Variants in SIRT1 observed in about 807,000 individuals in gnomAD.
The protein encoded by SIRT1 is NAD-dependent protein deacetylase sirtuin-1.
Under a neutral mutation model 67.9 loss-of-function variants are expected in SIRT1, and 24 were observed. The ratio of observed to expected loss-of-function variants is 0.35; its 90% CI spans 0.26 to 0.50. SIRT1 has a LOEUF of 0.50. SIRT1 is among the 20% of genes least tolerant of loss of function. The pLI, the probability that SIRT1 is intolerant of heterozygous loss-of-function variation, is 0.98. For synonymous variants in SIRT1, 378 were observed against 350.7 expected (o/e 1.08, Z -0.87); for missense variants, 873 against 937.2 (o/e 0.93, Z 0.89).
intron 4 of SIRT1, among the ~76,000 whole-genome samples, chr10:67,898,609 A>G (rs1034008616): frequency 2.0e-5 from 3 of 152,222 alleles, no homozygotes; most frequent in Non-Finnish European, 4.4e-5. Context: ...AATACTCAAC[A>G]TGTATATGGA....
intron 4 of SIRT1, among the ~76,000 whole-genome samples, chr10:67,901,050 T>C (rs958993484): frequency 5.9e-5 from 9 of 152,186 alleles, no homozygotes; most frequent in Non-Finnish European, 1.2e-4. Context: ...GTTCGTAATA[T>C]GTAATAGAAA....
At chr10:67,902,233 C>T (rs1842755773) in intron 4 of SIRT1, among the ~76,000 whole-genome samples, 1 of 152,220 alleles carries the variant, frequency 6.6e-6, no homozygotes, top group African/African-American at 2.4e-5. Context: ...AGGTGATCCG[C>T]CTGCCTCAGC....
At chr10:67,901,785 A>T (rs1361456403) in intron 4 of SIRT1, among the ~76,000 whole-genome samples, 1 of 151,904 alleles carries the variant, frequency 6.6e-6, no homozygotes, top group African/African-American at 2.4e-5. Context: ...GTTTTTGTAT[A>T]GGCTGTGAGC....
At chr10:67,904,034 C>A (rs1174359990) in intron 4 of SIRT1, among the ~76,000 whole-genome samples, 3 of 151,762 alleles carry the variant, frequency 2.0e-5, no homozygotes, top group African/African-American at 7.3e-5. Flanking sequence ...TGGTTTTCAA[C>A]AAGTGGTCCT....
chr10:67,891,248 GAAAT>G (rs1725003988), intron 3 of SIRT1, among the ~76,000 whole-genome samples, 150 bp from the exon 4 acceptor site: 1 of 152,060 alleles, frequency 6.6e-6, no homozygotes, highest in South Asian at 2.1e-4. Flanking sequence ...TTTTATTTCT[GAAAT>G]AAGGGTAGGG....
rs1434210431 is a variant in SIRT1 at position 67,885,436 on chromosome 10, C to G, written c.430+285C>G. 6 of 1,199,732 alleles carry G rather than the reference C, an allele frequency of 5.0e-6. No individual in the cohort carries two copies. In the African/African-American group the frequency reaches 7.8e-5, roughly 16 times the overall value. The allele number at this position is 1,199,732 out of a possible 1,614,324, so 74.3% of individuals were successfully genotyped here. The stretch of plus-strand genomic sequence containing the variant: ...CTCGCAGTCGCTTTAAAATAAGTTT[C>G]TCTCCCCCTCTTACTCTTTTAGCAT... On this transcript the variant is annotated intron_variant, in intron 1 of 8. Coordinates refer to ENST00000212015, the MANE Select transcript of SIRT1 (RefSeq NM_012238.5).
intron 1 of SIRT1, chr10:67,885,500 T>A (rs1425361814): frequency 1.1e-6 from 1 of 881,068 alleles, no homozygotes; most frequent in Non-Finnish European, 1.4e-6. Context: ...TTTTCTTTAT[T>A]TTTTATTTTC....
chr10:67,893,838 C>T (rs1842612053), intron 4 of SIRT1, among the ~76,000 whole-genome samples: 2 of 152,216 alleles, frequency 1.3e-5, no homozygotes, highest in Admixed American at 6.5e-5. Context: ...GCACCGCGCC[C>T]CGCGCCCTGC....
At chr10:67,910,095 G>A (rs2131885618) in intron 7 of SIRT1, among the ~76,000 whole-genome samples, 1 of 152,056 alleles carries the variant, frequency 6.6e-6, no homozygotes, top group South Asian at 2.1e-4. Flanking sequence ...CAAAACGCAA[G>A]TAATGTTGGT....
In SIRT1 at chr10:67,912,729, C is replaced by T; in HGVS notation, c.1613C>T (p.Ser538Leu). The T allele has an allele frequency of 6.2e-7, 1 of 1,614,122 alleles. No homozygotes were observed. The highest frequency in any genetic ancestry group is 8.5e-7 in the Non-Finnish European group (1 of 1,180,032). ...PPTPLHVSED[S>L]SSPERTSPPD... is the part of the protein sequence containing the mutation. ...ACACCTCTTCATGTTTCAGAAGACT[C>T]AAGTTCACCAGAAAGAACTTCACCA... The change falls in exon 8 of 9, where the codon TCA becomes TTA. Residue 538 changes from serine (S) to leucine (L), a missense_variant. This residue lies in a region of SIRT1 where 295 missense variants were observed against 294.5 expected (regional missense o/e 1.00). Transcript: ENST00000212015.
At chr10:67,898,605 C>T (rs1589075370) in intron 4 of SIRT1, among the ~76,000 whole-genome samples, 1 of 152,278 alleles carries the variant, frequency 6.6e-6, no homozygotes, top group East Asian at 1.9e-4. Context: ...TTTTAATACT[C>T]AACATGTATA....
chr10:67,884,787 G>A lies in SIRT1; in HGVS notation c.66G>A (p.Arg22=). 4 of 1,226,038 alleles carry A rather than the reference G, an allele frequency of 3.3e-6. No homozygotes were observed. The highest frequency in any genetic ancestry group is 3.0e-6 in the Non-Finnish European group (3 of 984,132). 75.9% of individuals were successfully genotyped at this position (1,226,038 alleles called of 1,614,324 possible). Residue 22 remains arginine (R), a synonymous_variant, in exon 1 of 9, where the codon AGG becomes AGA. Coordinates refer to ENST00000212015, the MANE Select transcript of SIRT1 (RefSeq NM_012238.5). ...CCCCCTCGGCGGCGGGGGCCGACAG[G>A]GAGGCCGCGTCGTCCCCCGCCGGGG... ...GGSPSAAGAD[R]EAASSPAGEP... is the part of the protein sequence containing the mutation.
At chr10:67,888,395 A>G (rs1364938334) in intron 2 of SIRT1, among the ~76,000 whole-genome samples, 2 of 152,184 alleles carry the variant, frequency 1.3e-5, no homozygotes, top group African/African-American at 4.8e-5. Context: ...CAGAACATCA[A>G]CATTGTATGT....
chr10:67,904,818 T>TG (rs1212792005), intron 4 of SIRT1, among the ~76,000 whole-genome samples: 1 of 147,182 alleles, frequency 6.8e-6, no homozygotes, highest in Non-Finnish European at 1.5e-5. Flanking sequence ...CACTCCAGCC[T>TG]GGGCAAAAAG....
At chr10:67,895,373 A>G (rs1225680731) in intron 4 of SIRT1, among the ~76,000 whole-genome samples, 2 of 152,124 alleles carry the variant, frequency 1.3e-5, no homozygotes, top group Admixed American at 1.3e-4. Context: ...CAGTGAGCCG[A>G]AAGCGCTTAA....
In SIRT1 at chr10:67,906,816, A is replaced by T; in HGVS notation, c.969A>T (p.Pro323=). Residue 323 remains proline, a synonymous_variant, in exon 5 of 9, where the codon CCA becomes CCT. Coordinates refer to ENST00000212015, the MANE Select transcript of SIRT1 (RefSeq NM_012238.5). ...AKEIYPGQFQ[P]SLCHKFIALS... ...AAATATATCCTGGACAATTCCAGCC[A>T]TCTCTCTGTCACAAATTCATAGCCT... The T allele has an allele frequency of 6.2e-7, 1 of 1,612,946 alleles. No homozygotes were observed. Among genetic ancestry groups the T allele is most frequent in the South Asian group, 1.1e-5 (1 of 90,766 alleles).
chr10:67,911,265 C>T (rs933692927), intron 7 of SIRT1, among the ~76,000 whole-genome samples: 2 of 152,210 alleles, frequency 1.3e-5, no homozygotes, highest in Non-Finnish European at 2.9e-5. Flanking sequence ...GCAGTTTCAG[C>T]TCACTGCAGC....
At chr10:67,896,761 CAAAAAAAAAAA>C (rs35899726) in intron 4 of SIRT1, among the ~76,000 whole-genome samples, 3 of 56,750 alleles carry the variant, frequency 5.3e-5, no homozygotes, top group African/African-American at 1.2e-4. Context: ...GAATCTGTCT[CAAAAAAAAAAA>C]AAAAAAAAAA....
At chr10:67,914,914 C>G (rs2029874168) in intron 8 of SIRT1, among the ~76,000 whole-genome samples, 1 of 138,580 alleles carries the variant, frequency 7.2e-6, no homozygotes, top group Non-Finnish European at 1.5e-5. Flanking sequence ...TTTGTAGAAA[C>G]AAGGTCTTGC....
Sources: gnomAD v4.1 joint callset for allele counts (sites outside exome capture counted in the v4.1 genomes callset) on GRCh38, gnomAD v4.1.1 for gene constraint, gnomAD v4.1.1 regional missense constraint, MANE v1.5 for transcripts, NCBI Gene and HGNC (gene_info 2026-07-23, HGNC 2026-07-21) for gene names.